Variants in ARID4B observed in about 807,000 individuals in gnomAD.
The protein encoded by ARID4B is AT-rich interactive domain-containing protein 4B.
A neutral mutation model predicts 147.5 loss-of-function variants in ARID4B; 26 were observed. The observed-to-expected ratio is 0.18, with a 90% CI of 0.13 to 0.24. The LOEUF is 0.24. Ranked by LOEUF, ARID4B falls within the 10% of genes least tolerant of loss-of-function variation. The probability of loss-of-function intolerance (pLI) is 1.00; values close to 1 mark genes in which losing one functional copy is unlikely to be tolerated. For missense variants in ARID4B, 1,179 were observed against 1,511.5 expected, an observed-to-expected ratio of 0.78 and a Z score of 3.65; for synonymous variants, 512 against 507.9, an observed-to-expected ratio of 1.01 and a Z score of -0.11.
intron 9 of ARID4B, among the ~76,000 whole-genome samples, chr1:235,232,612 T>TA (rs1394498731): frequency 1.3e-5 from 2 of 151,530 alleles, no homozygotes; most frequent in Non-Finnish European, 2.9e-5. Flanking sequence ...CACACACCTG[T>TA]AGTGCTAGCT....
intron 2 of ARID4B, 165 bp downstream of exon 2, chr1:235,326,749 A>C (rs778043862): frequency 2.3e-5 from 18 of 799,244 alleles, no homozygotes; most frequent in Non-Finnish European, 3.6e-5. Flanking sequence ...TCCACAGCAA[A>C]GCCCGCCAGC....
Position 235,167,784 on chromosome 1 carries a change from T to C in ARID4B, c.*741A>G, listed in dbSNP as rs1432030303. On this transcript the variant is annotated 3_prime_UTR_variant, in exon 24 of 24. Transcript: ENST00000264183. ...ATACATTGTTTAAGATTTAATACAGTTTATTAGCCATTTTCTTTTTTCACA... is the reference window on the plus strand; with the variant it reads ...ATACATTGTTTAAGATTTAATACAGCTTATTAGCCATTTTCTTTTTTCACA... 5.1e-6 allele frequency: 1 copy of C among 194,248 alleles called. No homozygotes were observed. The highest frequency in any genetic ancestry group is 1.1e-5 in the Non-Finnish European group (1 of 92,914). The allele number at this position is 194,248 out of a possible 1,614,324, so 12.0% of individuals were successfully genotyped here.
chr1:235,281,891 G>A (rs1671693247), intron 2 of ARID4B, among the ~76,000 whole-genome samples: 1 of 152,016 alleles, frequency 6.6e-6, no homozygotes, highest in South Asian at 2.1e-4. Flanking sequence ...AAAATTAAAA[G>A]AAATTATCAC....
At chr1:235,215,777 A>G (rs760135996) in intron 16 of ARID4B, among the ~76,000 whole-genome samples, 8 of 151,704 alleles carry the variant, frequency 5.3e-5, no homozygotes, top group Non-Finnish European at 1.2e-4. Context: ...TTGTAGAGAC[A>G]GGGGTCTCAC....
chr1:235,194,431 G>A (rs1352131289), intron 18 of ARID4B, among the ~76,000 whole-genome samples: 1 of 152,046 alleles, frequency 6.6e-6, no homozygotes, highest in Non-Finnish European at 1.5e-5. Flanking sequence ...CTTTAATAAC[G>A]GGAATCAAAT....
rs1029141031 is a variant in ARID4B at position 235,183,473 on chromosome 1, G to A, written c.2126-680C>T. 6.6e-5 allele frequency among the ~76,000 whole-genome samples: 10 copies of A among 152,196 alleles called. No individual in the cohort carries two copies. The East Asian group carries it at 1.9e-3, about 29-fold the overall frequency. On this transcript the variant is annotated intron_variant, in intron 19 of 23. Coordinates refer to ENST00000264183, the MANE Select transcript of ARID4B (RefSeq NM_016374.6). ...CCCGCCCTCCTCGGCCTCCCAAAGT[G>A]CTGGGATTACAGGCGTGAGCCACCA...
chr1:235,301,859 T>C (rs1301160911), intron 2 of ARID4B, among the ~76,000 whole-genome samples: 1 of 151,722 alleles, frequency 6.6e-6, no homozygotes, highest in East Asian at 1.9e-4. Context: ...GGATTACAGG[T>C]GCCTGCTACC....
In ARID4B at chr1:235,168,217, C is replaced by CT. The variant is rs1558158946; in HGVS notation, c.*307dup. The CT allele has an allele frequency of 2.6e-5, 7 of 266,902 alleles. No homozygotes were observed. The highest frequency in any genetic ancestry group is 1.5e-4 in the Admixed American group (3 of 19,692). The allele number at this position is 266,902 out of a possible 1,614,324, so 16.5% of individuals were successfully genotyped here. A position where few individuals can be genotyped will look rare whatever the true frequency, so the allele number is the denominator to read the frequency against. ...TATCTTAACATGTTCTGACCCACCCCTTAACTATGCTTACTGTATTGTCTC... is the reference window on the plus strand; with the variant it reads ...TATCTTAACATGTTCTGACCCACCCCTTTAACTATGCTTACTGTATTGTCTC... On this transcript the variant is annotated 3_prime_UTR_variant, in exon 24 of 24. Coordinates refer to ENST00000264183, the MANE Select transcript of ARID4B (RefSeq NM_016374.6).
intron 2 of ARID4B, among the ~76,000 whole-genome samples, chr1:235,313,777 T>C (rs1674245536): frequency 6.6e-6 from 1 of 152,162 alleles, no homozygotes; most frequent in Non-Finnish European, 1.5e-5. Flanking sequence ...CATCAGTAAG[T>C]ACCAGGAAAA....
intron 23 of ARID4B, 38 bp from the exon 24 acceptor site, chr1:235,168,690 AATTT>A: frequency 6.3e-7 from 1 of 1,591,822 alleles, no homozygotes. Context: ...GCTTAATAAA[AATTT>A]ATGTCTAACA....
chr1:235,182,794 C>A lies in ARID4B; in HGVS notation c.2126-1G>T. 3 of 1,570,114 alleles carry A rather than the reference C, an allele frequency of 1.9e-6. No individual in the cohort carries two copies. The highest frequency in any genetic ancestry group is 1.2e-5 in the South Asian group (1 of 84,064). On this transcript the variant is annotated splice_acceptor_variant, in intron 19 of 23. Transcript: ENST00000264183. LOFTEE classifies it high-confidence loss of function. Reference sequence around the variant, plus strand: ...CTGTCTTCAGCAGAACTTTCAGAAGCTAGAAAATAACAGAAAAAAAAATGA... The same window carrying A: ...CTGTCTTCAGCAGAACTTTCAGAAGATAGAAAATAACAGAAAAAAAAATGA...
At chr1:235,308,540 T>C (rs1486811689) in intron 2 of ARID4B, among the ~76,000 whole-genome samples, 3 of 149,404 alleles carry the variant, frequency 2.0e-5, no homozygotes, top group Non-Finnish European at 3.0e-5. Flanking sequence ...AGCTGGACTG[T>C]ACTGCTGCCA....
chr1:235,316,653 T>C (rs1674458656), intron 2 of ARID4B, among the ~76,000 whole-genome samples: 1 of 151,774 alleles, frequency 6.6e-6, no homozygotes, highest in Admixed American at 6.6e-5. Flanking sequence ...ACCTCGTCTG[T>C]ACTAAAAATA....
At position 235,234,350 on chromosome 1, in the gene ARID4B, C is replaced by T. The variant is rs868776965; in HGVS notation, c.665+63G>A. The T allele has an allele frequency of 3.1e-5, 32 of 1,040,322 alleles. No individual in the cohort carries two copies. In the African/African-American group the frequency reaches 3.7e-4, roughly 12 times the overall value. The allele number at this position is 1,040,322 out of a possible 1,614,324, so 64.4% of individuals were successfully genotyped here. ...AATAACTAATTAATCATTTAACATC[C>T]TAATTCAAAATAACAGCATATATTT... On this transcript the variant is annotated intron_variant, in intron 9 of 23. Transcript: ENST00000264183.
chr1:235,249,340 T>C (rs543168949), intron 6 of ARID4B, among the ~76,000 whole-genome samples: 1 of 151,762 alleles, frequency 6.6e-6, no homozygotes. Flanking sequence ...CTCAAAAAAA[T>C]AAATAAATAA....
At chr1:235,218,027 T>C (rs12029822) in intron 16 of ARID4B, among the ~76,000 whole-genome samples, 1 of 151,986 alleles carries the variant, frequency 6.6e-6, no homozygotes, top group Admixed American at 6.6e-5. Context: ...AATTATAATA[T>C]GCTATAATAA....
rs189869148 is a variant in ARID4B at position 235,258,292 on chromosome 1, A to C, written c.118-1067T>G. 2.8e-4 allele frequency among the ~76,000 whole-genome samples: 42 copies of C among 152,276 alleles called. 1 individual carries two copies. Among genetic ancestry groups the C allele is most frequent in the Middle Eastern group, 3.4e-3 (1 of 294 alleles). ...GGTTGCAGTGAGCCGAGATTGCGTC[A>C]CTGCACTCCAGCCTGGGGGACAGGG... On this transcript the variant is annotated intron_variant, in intron 3 of 23. Coordinates refer to ENST00000264183, the MANE Select transcript of ARID4B (RefSeq NM_016374.6).
At position 235,224,789 on chromosome 1, in the gene ARID4B, C is replaced by A. The variant is rs764599180; in HGVS notation, c.898-14G>T. On this transcript the variant is annotated splice_polypyrimidine_tract_variant and intron_variant, in intron 11 of 23. Transcript: ENST00000264183. Reference sequence around the variant, plus strand: ...TTCTATTTCTTCCTAATTTTAATCACAGAAGAATATTATTTTCTTCAATTA... The same window carrying A: ...TTCTATTTCTTCCTAATTTTAATCAAAGAAGAATATTATTTTCTTCAATTA... 10 of 1,525,788 alleles carry A rather than the reference C, an allele frequency of 6.6e-6. No homozygotes were observed. Among genetic ancestry groups the A allele is most frequent in the Non-Finnish European group, 9.0e-6 (10 of 1,109,768 alleles). 94.5% of individuals were successfully genotyped at this position (1,525,788 alleles called of 1,614,324 possible).
rs1297556811 is a variant in ARID4B at position 235,167,740 on chromosome 1, C to G, written c.*785G>C. The G allele has an allele frequency of 5.1e-6, 1 of 196,206 alleles. No homozygotes were observed. The highest frequency in any genetic ancestry group is 2.3e-5 in the African/African-American group (1 of 43,280). 12.2% of individuals were successfully genotyped at this position (196,206 alleles called of 1,614,324 possible). On this transcript the variant is annotated 3_prime_UTR_variant, in exon 24 of 24. Coordinates refer to ENST00000264183, the MANE Select transcript of ARID4B (RefSeq NM_016374.6). The stretch of plus-strand genomic sequence containing the variant: ...ATTATGAATAAATATACACTTTGAA[C>G]TGGCTAAGTACAATCTTTATACATT...
Sources: allele counts gnomAD v4.1 joint callset (sites outside exome capture counted in the v4.1 genomes callset), GRCh38; gene constraint gnomAD v4.1.1; transcripts MANE v1.5; gene names NCBI Gene and HGNC (gene_info 2026-07-23, HGNC 2026-07-21).